ARHGAP9: variants seen among roughly 807,000 people sequenced by gnomAD.
ARHGAP9 encodes Rho GTPase activating protein 9, also known as rho GTPase-activating protein 9.
A neutral mutation model predicts 87.3 loss-of-function variants in ARHGAP9; 76 were observed. That is an observed-to-expected ratio of 0.87 (90% CI 0.72 to 1.05). ARHGAP9 has a LOEUF of 1.05. ARHGAP9 is among the 50% of genes least tolerant of loss of function. The probability of loss-of-function intolerance (pLI) is 0.00; values close to 1 mark genes in which losing one functional copy is unlikely to be tolerated. For missense variants in ARHGAP9, 941 were observed against 960.5 expected, an observed-to-expected ratio of 0.98 and a Z score of 0.27; for synonymous variants, 382 against 394.9, an observed-to-expected ratio of 0.97 and a Z score of 0.39.
At position 57,476,921 on chromosome 12, in the gene ARHGAP9, G is replaced by T; in HGVS notation, c.913C>A (p.Pro305Thr). The change falls in exon 6 of 18, where the codon CCA (proline) becomes ACA (threonine). Residue 305 changes from proline (P) to threonine (T), a missense_variant. By Grantham distance (38) the Pro-to-Thr change is conservative (BLOSUM62 -1). Transcript: ENST00000393791. ...LSQRTSQLDP[P>T]ALQAPRPLPQ... is the part of the protein sequence containing the mutation. The stretch of plus-strand genomic sequence containing the variant: ...AGAGGTCGAGGGGCCTGCAAGGCTG[G>T]AGGGTCAAGCTGCGAGGTGCGTTGG... 6.2e-7 allele frequency: 1 copy of T among 1,614,044 alleles called. No individual in the cohort carries two copies. Among genetic ancestry groups the T allele is most frequent in the Non-Finnish European group, 8.5e-7 (1 of 1,179,964 alleles).
chr12:57,480,665 C>A (rs560817787), upstream of ARHGAP9: 4 of 973,508 alleles, frequency 4.1e-6, no homozygotes, highest in East Asian at 1.0e-4. Flanking sequence ...TAATGCAAGA[C>A]GCTATGACAG....
chr12:57,476,762 G>C (rs1390499435), intron 6 of ARHGAP9, 109 bp downstream of exon 6: 2 of 1,542,448 alleles, frequency 1.3e-6, no homozygotes, highest in Non-Finnish European at 1.8e-6. Context: ...GCTGGGGGAG[G>C]GCTGGGTAGG....
chr12:57,477,679 GC>G lies in ARHGAP9; in HGVS notation c.535del (p.Ala179GlnfsTer55). 6.2e-7 allele frequency: 1 copy of G among 1,610,376 alleles called. No individual in the cohort carries two copies. The highest frequency in any genetic ancestry group is 2.2e-5 in the East Asian group (1 of 44,840). On this transcript the variant is annotated frameshift_variant and splice_region_variant, in exon 4 of 18. Transcript: ENST00000393791. LOFTEE classifies it high-confidence loss of function. ...CTCTGACATGAGGGGCTGGGGGCCT[GC>G]CTGCCAGAAAAGGGGGAAGAAGGAG... is the stretch of plus-strand genomic sequence containing the variant. ...DLPSEASASTAGPQPLMSEPP... is the reference protein window; with the variant it reads ...DLPSEASASTXGPQPLMSEPP...
At chr12:57,473,227 A>G (rs1195798190) in intron 17 of ARHGAP9, among the ~76,000 whole-genome samples, 1 of 152,168 alleles carries the variant, frequency 6.6e-6, no homozygotes, top group Non-Finnish European at 1.5e-5. Flanking sequence ...AGCCTGGCCA[A>G]CATGGTGAAA....
chr12:57,481,305 C>T (rs1346628651), upstream of ARHGAP9, among the ~76,000 whole-genome samples: 2 of 151,822 alleles, frequency 1.3e-5, no homozygotes, highest in African/African-American at 2.4e-5. Context: ...GGCTGGAGTG[C>T]GGTGGCACAA....
At chr12:57,477,898 T>G in intron 3 of ARHGAP9, 2 of 1,334,870 alleles carry the variant, frequency 1.5e-6, no homozygotes, top group Non-Finnish European at 1.9e-6. Context: ...TCACTTCCTG[T>G]TGCCAACTTC....
intron 12 of ARHGAP9, 22 bp downstream of exon 12, chr12:57,475,269 G>T: frequency 6.4e-7 from 1 of 1,562,264 alleles, no homozygotes. Flanking sequence ...TCTTATCCAT[G>T]AACCTGGCCC....
chr12:57,476,635 C>T lies in ARHGAP9; in HGVS notation c.980G>A (p.Gly327Asp). Reference sequence around the variant, plus strand: ...GGCAATCTTGGTCATGTTGAGCAGACCCGACTTTTCCACCTCCTGGGAAGT... The same window carrying T: ...GGCAATCTTGGTCATGTTGAGCAGATCCGACTTTTCCACCTCCTGGGAAGT... The part of the protein sequence containing the change: ...LDDPHEVEKS[G>D]LLNMTKIAQG... Residue 327 changes from glycine (G) to aspartate (D), a missense_variant, in exon 7 of 18, where the codon GGT (glycine) becomes GAT (aspartate). By Grantham distance (94) the Gly-to-Asp change is moderately conservative (BLOSUM62 -1). Transcript: ENST00000393791. 1.2e-6 allele frequency: 2 copies of T among 1,613,856 alleles called. No individual in the cohort carries two copies. The highest frequency in any genetic ancestry group is 1.7e-6 in the Non-Finnish European group (2 of 1,179,938).
At chr12:57,479,008 T>G (rs2139956634) in intron 2 of ARHGAP9, 83 bp downstream of exon 2, 1 of 1,500,818 alleles carries the variant, frequency 6.7e-7, no homozygotes, top group African/African-American at 1.4e-5. Flanking sequence ...GAGGGGGACC[T>G]CCCCAAAATT....
chr12:57,477,027 A>G lies in ARHGAP9; in HGVS notation c.871-64T>C, dbSNP rs549685773. On this transcript the variant is annotated intron_variant, in intron 5 of 17. Transcript: ENST00000393791. ...CGACTCAGGGATCCCTGGCTGAAGG[A>G]GGAAGAGGGGTGGGATACGGGTGAG... The G allele has an allele frequency of 2.9e-4, 315 of 1,067,946 alleles. No individual in the cohort carries two copies. The East Asian group carries it at 3.5e-3, about 12-fold the overall frequency. The allele number at this position is 1,067,946 out of a possible 1,614,324, so 66.2% of individuals were successfully genotyped here.
chr12:57,479,991 A>G, upstream of ARHGAP9: 2 of 1,375,102 alleles, frequency 1.5e-6, no homozygotes, highest in African/African-American at 1.5e-5. Context: ...TGACAGAGAA[A>G]CAGAAAGCCA....
chr12:57,482,244 AT>A (rs755969588), upstream of ARHGAP9, among the ~76,000 whole-genome samples: 3,379 of 145,510 alleles, frequency 0.023, 55 homozygotes, highest in Middle Eastern at 0.033. Context: ...TACAAAAAAA[AT>A]TTTTTTTTTT....
intron 7 of ARHGAP9, 28 bp downstream of exon 7, chr12:57,476,548 GGAGTTGACAGCCCA>G: frequency 1.2e-6 from 2 of 1,613,526 alleles, no homozygotes; most frequent in Non-Finnish European, 1.7e-6. Flanking sequence ...TCTACCCTAT[GGAGTTGACAGCCCA>G]GGCCCTAGCT....
At position 57,477,035 on chromosome 12, in the gene ARHGAP9, G is replaced by T. The variant is rs772654748; in HGVS notation, c.871-72C>A. 47 of 1,546,252 alleles carry T rather than the reference G, an allele frequency of 3.0e-5. 1 individual carries two copies. The South Asian group carries it at 4.5e-4, about 15-fold the overall frequency. On this transcript the variant is annotated intron_variant, in intron 5 of 17. Coordinates refer to ENST00000393791, the MANE Select transcript of ARHGAP9 (RefSeq NM_032496.4). ...GGATCCCTGGCTGAAGGAGGAAGAGGGGTGGGATACGGGTGAGAGGTGGGG... is the reference window on the plus strand; with the variant it reads ...GGATCCCTGGCTGAAGGAGGAAGAGTGGTGGGATACGGGTGAGAGGTGGGG...
chr12:57,479,872 C>T, upstream of ARHGAP9: 8 of 1,464,124 alleles, frequency 5.5e-6, no homozygotes, highest in Admixed American at 2.8e-5. Flanking sequence ...ATGACAAAGA[C>T]AAAAATGTGT....
chr12:57,485,008 C>T (rs1358634847), intron 1 of ARHGAP9, among the ~76,000 whole-genome samples: 1 of 151,082 alleles, frequency 6.6e-6, no homozygotes, highest in African/African-American at 2.4e-5. Context: ...TGCAATGGCA[C>T]GATCTCAGCT....
At position 57,476,158 on chromosome 12, in the gene ARHGAP9, C is replaced by T; in HGVS notation, c.1125G>A (p.Ala375=). 2 of 1,541,062 alleles carry T rather than the reference C, an allele frequency of 1.3e-6. No homozygotes were observed. The highest frequency in any genetic ancestry group is 1.8e-6 in the Non-Finnish European group (2 of 1,142,618). Residue 375 remains alanine, a synonymous_variant, in exon 9 of 18, where the codon GCG becomes GCA. Transcript: ENST00000393791. Reference sequence around the variant, plus strand: ...CCACGCTACTTTCGGGCCGGCTACCCGCTGGTCCCTGACAATGAGGGAGGA... The same window carrying T: ...CCACGCTACTTTCGGGCCGGCTACCTGCTGGTCCCTGACAATGAGGGAGGA... ...PTAPSSGWGP[A]GSRPESSVDL... is the part of the protein sequence containing the mutation.
chr12:57,476,656 G>A lies in ARHGAP9; in HGVS notation c.964-5C>T. 1.9e-6 allele frequency: 3 copies of A among 1,599,716 alleles called. No homozygotes were observed. Among genetic ancestry groups the A allele is most frequent in the East Asian group, 4.5e-5 (2 of 44,580 alleles). ...CAGACCCGACTTTTCCACCTCCTGG[G>A]AAGTGGAGGGAATGGGATCTGTAAG... On this transcript the variant is annotated splice_region_variant and splice_polypyrimidine_tract_variant and intron_variant, in intron 6 of 17. Coordinates refer to ENST00000393791, the MANE Select transcript of ARHGAP9 (RefSeq NM_032496.4).
rs752286193 is a variant in ARHGAP9 at position 57,477,587 on chromosome 12, A to C, written c.628T>G (p.Cys210Gly). ...CPRSPPPGPA[C>G]PLLQRLDAWE... is the part of the protein sequence containing the mutation. Reference sequence around the variant, plus strand: ...GCATCCAGCCTCTGCAGCAGGGGGCATGCAGGGCCTGGGGGTGGGGACCGA... The same window carrying C: ...GCATCCAGCCTCTGCAGCAGGGGGCCTGCAGGGCCTGGGGGTGGGGACCGA... The change falls in exon 4 of 18, where the codon TGC becomes GGC. Residue 210 changes from cysteine to glycine, a missense_variant. Cys to Gly is a radical substitution (Grantham distance 159). Transcript: ENST00000393791. 1 of 1,613,176 alleles carries C rather than the reference A, an allele frequency of 6.2e-7. No homozygotes were observed. Among genetic ancestry groups the C allele is most frequent in the South Asian group, 1.1e-5 (1 of 91,014 alleles).
Sources: allele counts gnomAD v4.1 joint callset (sites outside exome capture counted in the v4.1 genomes callset), GRCh38; gene constraint gnomAD v4.1.1; transcripts MANE v1.5; gene names NCBI Gene and HGNC (gene_info 2026-07-23, HGNC 2026-07-21).